KIF26B: variants seen among roughly 807,000 people sequenced by gnomAD.
KIF26B encodes kinesin-like protein KIF26B.
In KIF26B, 63 loss-of-function variants were observed where a neutral mutation model predicts 151.2. The ratio of observed to expected loss-of-function variants is 0.42; its 90% CI spans 0.34 to 0.51. The LOEUF is 0.51. KIF26B is among the 20% of genes least tolerant of loss of function. The pLI, the probability that KIF26B is intolerant of heterozygous loss-of-function variation, is 0.07. For missense variants in KIF26B, 2,813 were observed against 2,913.6 expected (o/e 0.97, Z 0.79); for synonymous variants, 1,357 against 1,262.1 (o/e 1.08, Z -1.59).
Position 245,374,828 on chromosome 1 carries a change from G to T in KIF26B, c.999+7461G>T, listed in dbSNP as rs1673235305. Among the ~76,000 whole-genome samples the T allele has an allele frequency of 2.6e-5, 4 of 152,164 alleles. No individual in the cohort carries two copies. In the South Asian group the frequency reaches 8.3e-4, roughly 31 times the overall value. On this transcript the variant is annotated intron_variant, in intron 3 of 14. Coordinates refer to ENST00000407071, the MANE Select transcript of KIF26B (RefSeq NM_018012.4). ...ATTTCTCAAGGCTAGAGTGTTCAGG[G>T]TGAAATTCCAAAAGGGTAGTCACAG...
chr1:245,326,543 T>C (rs1017280288), intron 2 of KIF26B, among the ~76,000 whole-genome samples: 26 of 152,222 alleles, frequency 1.7e-4, no homozygotes, highest in African/African-American at 6.0e-4. Flanking sequence ...TTTCCATTTC[T>C]GTGGCCTCAT....
intron 2 of KIF26B, among the ~76,000 whole-genome samples, chr1:245,197,666 G>A (rs1301451554): frequency 2.0e-5 from 3 of 152,132 alleles, no homozygotes; most frequent in African/African-American, 7.2e-5. Flanking sequence ...AGTAATACAT[G>A]CTGATTATAA....
At position 245,708,364 on chromosome 1, in the gene KIF26B, T is replaced by G. The variant is rs1353688134; in HGVS notation, c.*5758T>G. ...GACTGGCCCGAGTTCACAGAGTGGTTTTATAGCAAAACAGGGACTTGAGTC... is the reference window on the plus strand; with the variant it reads ...GACTGGCCCGAGTTCACAGAGTGGTGTTATAGCAAAACAGGGACTTGAGTC... On this transcript the variant is annotated 3_prime_UTR_variant, in exon 15 of 15. Transcript: ENST00000407071. 6 of 152,216 alleles carry G rather than the reference T, an allele frequency of 3.9e-5. No individual in the cohort carries two copies. Among genetic ancestry groups the G allele is most frequent in the Admixed American group, 3.9e-4 (6 of 15,280 alleles). 9.4% of individuals were successfully genotyped at this position (152,216 alleles called of 1,614,324 possible). A position where few individuals can be genotyped will look rare whatever the true frequency, so the allele number is the denominator to read the frequency against.
chr1:245,172,252 A>C (rs1421676888), intron 2 of KIF26B, among the ~76,000 whole-genome samples: 1 of 152,090 alleles, frequency 6.6e-6, no homozygotes, highest in Non-Finnish European at 1.5e-5. Context: ...TGGTAAGTGC[A>C]GAGTTAGGAC....
At chr1:245,663,329 G>A (rs2044178120) in intron 10 of KIF26B, among the ~76,000 whole-genome samples, 1 of 151,688 alleles carries the variant, frequency 6.6e-6, no homozygotes, top group African/African-American at 2.4e-5. Context: ...AAGGTTGGAG[G>A]GTAAATCCAG....
At chr1:245,288,929 A>G (rs540601619) in intron 2 of KIF26B, among the ~76,000 whole-genome samples, 22 of 96,780 alleles carry the variant, frequency 2.3e-4, no homozygotes, top group African/African-American at 1.2e-3. Flanking sequence ...CAATGCCACA[A>G]CTGTTTGTTT....
chr1:245,407,077 T>A (rs1251097587), intron 3 of KIF26B, among the ~76,000 whole-genome samples: 1 of 152,204 alleles, frequency 6.6e-6, no homozygotes, highest in Non-Finnish European at 1.5e-5. Flanking sequence ...TGTAAGCCAC[T>A]GTGCCCGGCC....
At chr1:245,513,167 T>C (rs7513460) in intron 4 of KIF26B, among the ~76,000 whole-genome samples, 3,654 of 127,182 alleles carry the variant, frequency 0.029, 177 homozygotes, top group African/African-American at 0.1. Context: ...CCCCCACAGC[T>C]TGTGCCTCTC....
chr1:245,244,102 A>G lies in KIF26B; in HGVS notation c.465+87419A>G, dbSNP rs1002467656. ...GCTAGGACTACAGGCATGCACCATCATGCCTGGCTAATTTTTATTTATTTA... is the reference window on the plus strand; with the variant it reads ...GCTAGGACTACAGGCATGCACCATCGTGCCTGGCTAATTTTTATTTATTTA... On this transcript the variant is annotated intron_variant, in intron 2 of 14. Transcript: ENST00000407071. This position sits in a 1 kb window ranked among gnomAD's most constrained non-coding sequence, Gnocchi z 4.2. Among the ~76,000 whole-genome samples the G allele has an allele frequency of 1.5e-4, 23 of 151,910 alleles. No individual in the cohort carries two copies. Among genetic ancestry groups the G allele is most frequent in the Admixed American group, 1.4e-3 (21 of 15,240 alleles).
chr1:245,535,177 T>C (rs1199622645), intron 4 of KIF26B, among the ~76,000 whole-genome samples: 3 of 152,284 alleles, frequency 2.0e-5, no homozygotes, highest in East Asian at 3.9e-4. Context: ...TAACCTTCTC[T>C]TCTCTGTGTC....
intron 2 of KIF26B, among the ~76,000 whole-genome samples, chr1:245,254,968 A>AT (rs1312796434): frequency 3.3e-5 from 5 of 152,228 alleles, no homozygotes; most frequent in Non-Finnish European, 7.3e-5. Context: ...GAAAGTTCAC[A>AT]TGTTGGAAAC....
chr1:245,454,548 G>T (rs1163918359), intron 4 of KIF26B, among the ~76,000 whole-genome samples: 1 of 152,156 alleles, frequency 6.6e-6, no homozygotes, highest in African/African-American at 2.4e-5. Context: ...GAGCAGGAAG[G>T]CCCTGGCCAA....
chr1:245,195,382 T>C (rs1669172869), intron 2 of KIF26B, among the ~76,000 whole-genome samples: 1 of 152,200 alleles, frequency 6.6e-6, no homozygotes. Flanking sequence ...GTCATTTAAA[T>C]AGGAGGCGTG....
intron 2 of KIF26B, among the ~76,000 whole-genome samples, chr1:245,280,529 T>C (rs1456715536): frequency 1.8e-4 from 4 of 22,302 alleles, no homozygotes; most frequent in African/African-American, 1.1e-3. Flanking sequence ...AGACTCTGTC[T>C]CAAAAAAAAA....
intron 4 of KIF26B, among the ~76,000 whole-genome samples, chr1:245,537,804 A>C (rs1028700620): frequency 1.3e-5 from 2 of 152,200 alleles, no homozygotes; most frequent in African/African-American, 4.8e-5. Context: ...TGTTTATTAG[A>C]TATCCAAGTG....
chr1:245,481,714 A>C (rs1381853852), intron 4 of KIF26B, among the ~76,000 whole-genome samples: 1 of 150,850 alleles, frequency 6.6e-6, no homozygotes, highest in Non-Finnish European at 1.5e-5. Context: ...CCAAGCGTTG[A>C]TTATTATTGT....
intron 3 of KIF26B, among the ~76,000 whole-genome samples, chr1:245,368,541 T>G (rs571979352): frequency 6.6e-6 from 1 of 152,084 alleles, no homozygotes; most frequent in Non-Finnish European, 1.5e-5. Context: ...GGTGGGTGTT[T>G]GGTAGGTGGC....
chr1:245,230,431 A>T (rs1232597098), intron 2 of KIF26B, among the ~76,000 whole-genome samples: 1 of 152,158 alleles, frequency 6.6e-6, no homozygotes, highest in Non-Finnish European at 1.5e-5. Context: ...GGCAGCAAAC[A>T]TCCATAAAAA....
chr1:245,422,235 G>A (rs558133291), intron 4 of KIF26B, among the ~76,000 whole-genome samples: 105 of 152,268 alleles, frequency 6.9e-4, no homozygotes, highest in African/African-American at 2.4e-3. Context: ...ACAATGTACA[G>A]TGGGAAACAA....
Sources: gnomAD v4.1 joint callset for allele counts (sites outside exome capture counted in the v4.1 genomes callset) on GRCh38, gnomAD v4.1.1 for gene constraint, Gnocchi (gnomAD v3.1) non-coding constraint, MANE v1.5 for transcripts, NCBI Gene and HGNC (gene_info 2026-07-23, HGNC 2026-07-21) for gene names.